PCDHA12: variants seen among roughly 807,000 people sequenced by gnomAD.
PCDHA12 encodes protocadherin alpha-12.
A neutral mutation model predicts 60.0 loss-of-function variants in PCDHA12; 44 were observed. The observed-to-expected ratio is 0.73, with a 90% CI of 0.58 to 0.94. PCDHA12 has a LOEUF of 0.94. Ranked by LOEUF, PCDHA12 falls within the 40% of genes least tolerant of loss-of-function variation. PCDHA12 has a pLI of 0.00. For synonymous variants in PCDHA12, 569 were observed against 553.0 expected, an observed-to-expected ratio of 1.03 and a Z score of -0.40; for missense variants, 1,276 against 1,239.7, an observed-to-expected ratio of 1.03 and a Z score of -0.44.
chr5:140,922,830 A>G (rs2081013341), intron 1 of PCDHA12, among the ~76,000 whole-genome samples: 1 of 152,264 alleles, frequency 6.6e-6, no homozygotes, highest in Admixed American at 6.5e-5. Context: ...TACTGCTAAT[A>G]GATGTCCTCA....
chr5:140,985,739 C>CTTTTT (rs11372071), intron 3 of PCDHA12, among the ~76,000 whole-genome samples: 4 of 117,922 alleles, frequency 3.4e-5, no homozygotes, highest in East Asian at 2.5e-4. Flanking sequence ...TGATGAATTC[C>CTTTTT]TTTTTTTTTT....
At chr5:140,917,354 G>T (rs148449289) in intron 1 of PCDHA12, among the ~76,000 whole-genome samples, 7 of 143,854 alleles carry the variant, frequency 4.9e-5, no homozygotes, top group African/African-American at 1.8e-4. Flanking sequence ...GTAGGCTTCT[G>T]TTCCACTATC....
intron 1 of PCDHA12, among the ~76,000 whole-genome samples, chr5:140,910,519 G>T (rs187918127): frequency 4.6e-5 from 7 of 152,218 alleles, no homozygotes; most frequent in African/African-American, 4.8e-5. Flanking sequence ...AAGGATGCAG[G>T]TACTCCCCTC....
At chr5:140,909,288 A>G (rs1441603045) in intron 1 of PCDHA12, among the ~76,000 whole-genome samples, 2 of 152,234 alleles carry the variant, frequency 1.3e-5, no homozygotes, top group Non-Finnish European at 2.9e-5. Context: ...GGTGGGCCTT[A>G]TGGACAGGAA....
chr5:140,949,550 G>A (rs1195934854), intron 1 of PCDHA12, among the ~76,000 whole-genome samples: 11 of 151,608 alleles, frequency 7.3e-5, no homozygotes, highest in Admixed American at 7.2e-4. Flanking sequence ...TTTGTTGCTG[G>A]TCATACTTTT....
intron 1 of PCDHA12, among the ~76,000 whole-genome samples, chr5:140,975,411 G>A (rs868983297): frequency 6.6e-6 from 1 of 152,236 alleles, no homozygotes; most frequent in African/African-American, 2.4e-5. Flanking sequence ...CAGTCTTGGA[G>A]ACTATTCAGG....
At chr5:140,882,749 G>C (rs1393099675) in intron 1 of PCDHA12, 1 of 1,614,126 alleles carries the variant, frequency 6.2e-7, no homozygotes, top group Non-Finnish European at 8.5e-7. Flanking sequence ...ATCCGATGCA[G>C]ATATTGGAGT....
intron 1 of PCDHA12, chr5:140,883,843 C>G: frequency 6.2e-7 from 1 of 1,612,786 alleles, no homozygotes; most frequent in Non-Finnish European, 8.5e-7. Context: ...CGTTGGACCA[C>G]GAGGAGCTGG....
rs538891766 is a variant in PCDHA12 at position 140,931,784 on chromosome 5, A to G, written c.2368-47165A>G. The stretch of plus-strand genomic sequence containing the variant: ...TTTACTTCTTCCTGTTCAATTACCT[A>G]TTGATCTGATCTTAATTCTTTAGAA... On this transcript the variant is annotated intron_variant, in intron 1 of 3. Transcript: ENST00000398631. Among the ~76,000 whole-genome samples, 13 of 152,080 alleles carry G rather than the reference A, an allele frequency of 8.5e-5. No homozygotes were observed. In the East Asian group the frequency reaches 1.9e-3, roughly 23 times the overall value.
chr5:141,006,992 A>C (rs1187318452), intron 3 of PCDHA12, among the ~76,000 whole-genome samples: 3 of 152,196 alleles, frequency 2.0e-5, no homozygotes, highest in Non-Finnish European at 2.9e-5. Flanking sequence ...GGCTTAAAAT[A>C]TAAGTCTGCA....
intron 3 of PCDHA12, among the ~76,000 whole-genome samples, chr5:140,993,043 A>G (rs1402138607): frequency 1.3e-5 from 2 of 152,186 alleles, no homozygotes; most frequent in Non-Finnish European, 2.9e-5. Context: ...TGTGTCATCA[A>G]GATGTCAATC....
At chr5:140,964,227 G>A (rs1245581815) in intron 1 of PCDHA12, among the ~76,000 whole-genome samples, 1 of 152,222 alleles carries the variant, frequency 6.6e-6, no homozygotes, top group African/African-American at 2.4e-5. Context: ...CTTTCAAAAT[G>A]AGGCTGATTG....
At chr5:140,946,038 G>T (rs782421286) in intron 1 of PCDHA12, among the ~76,000 whole-genome samples, 29 of 152,042 alleles carry the variant, frequency 1.9e-4, no homozygotes, top group Non-Finnish European at 4.0e-4. Flanking sequence ...CAAGAGTGAA[G>T]GGACAATCCA....
At chr5:140,950,778 G>C (rs537312607) in intron 1 of PCDHA12, among the ~76,000 whole-genome samples, 3 of 152,030 alleles carry the variant, frequency 2.0e-5, no homozygotes, top group Admixed American at 1.3e-4. Flanking sequence ...CATACATATG[G>C]TACTTTTTAA....
intron 1 of PCDHA12, among the ~76,000 whole-genome samples, chr5:140,953,932 C>G (rs1005245846): frequency 1.2e-4 from 19 of 152,060 alleles, no homozygotes; most frequent in Non-Finnish European, 5.9e-5. Flanking sequence ...CTGATGCTCT[C>G]CCTCCCATTG....
chr5:140,964,689 GAGAGATTA>G (rs781865484), intron 1 of PCDHA12, among the ~76,000 whole-genome samples: 4 of 152,008 alleles, frequency 2.6e-5, no homozygotes, highest in Non-Finnish European at 5.9e-5. Context: ...TTGTGCACTT[GAGAGATTA>G]AGGCCTCCGA....
intron 1 of PCDHA12, chr5:140,966,785 A>G: frequency 6.6e-7 from 1 of 1,522,872 alleles, no homozygotes. Flanking sequence ...GGCGGGCACC[A>G]GACCTGCGGC....
intron 1 of PCDHA12, among the ~76,000 whole-genome samples, chr5:140,937,385 T>G (rs1022137225): frequency 2.6e-5 from 4 of 152,170 alleles, no homozygotes; most frequent in Admixed American, 2.6e-4. Flanking sequence ...TGTGTGTATG[T>G]GTATATAGGG....
intron 1 of PCDHA12, among the ~76,000 whole-genome samples, chr5:140,974,321 T>C (rs2096622495): frequency 6.6e-6 from 1 of 152,226 alleles, no homozygotes; most frequent in Non-Finnish European, 1.5e-5. Context: ...AGAGAGTAGC[T>C]GCTGTGCTAG....
Sources: allele counts gnomAD v4.1 joint callset (sites outside exome capture counted in the v4.1 genomes callset), GRCh38; gene constraint gnomAD v4.1.1; transcripts MANE v1.5; gene names NCBI Gene and HGNC (gene_info 2026-07-23, HGNC 2026-07-21).